The following KANSL1L variants were observed in gnomAD, a reference collection of about 807,000 sequenced individuals.
KANSL1L encodes KAT8 regulatory NSL complex subunit 1-like protein.
In KANSL1L, 25 loss-of-function variants were observed where a neutral mutation model predicts 108.6. That is an observed-to-expected ratio of 0.23 (90% CI 0.17 to 0.32). The LOEUF (loss-of-function observed/expected upper bound fraction) is 0.32, where lower values mean the gene tolerates loss of function less well. Among genes scored for constraint, KANSL1L ranks in the 10% least tolerant of loss-of-function variants. KANSL1L has a pLI of 1.00. For missense variants in KANSL1L, 1,137 were observed against 1,125.7 expected (o/e 1.01, Z -0.14); for synonymous variants, 405 against 395.1 (o/e 1.03, Z -0.30).
intron 1 of KANSL1L, among the ~76,000 whole-genome samples, chr2:210,167,685 T>G (rs1331851905): frequency 6.6e-6 from 1 of 150,446 alleles, no homozygotes; most frequent in East Asian, 1.9e-4. Flanking sequence ...GCCTCAATAT[T>G]ATATAAAATA....
intron 5 of KANSL1L, among the ~76,000 whole-genome samples, chr2:210,084,353 T>A (rs139073259): frequency 0.017 from 2,505 of 151,714 alleles, 66 homozygotes; most frequent in African/African-American, 0.057. Flanking sequence ...ACCCAGGAAA[T>A]GGAGGTTGCA....
intron 5 of KANSL1L, among the ~76,000 whole-genome samples, chr2:210,087,690 G>A (rs2094650626): frequency 6.6e-6 from 1 of 152,118 alleles, no homozygotes; most frequent in Non-Finnish European, 1.5e-5. Flanking sequence ...TTACTCTCCT[G>A]AAGCTTATGT....
At position 210,075,658 on chromosome 2, in the gene KANSL1L, G is replaced by A; in HGVS notation, c.1649C>T (p.Ser550Phe). ...KKRKDRTRLKSSSLTFMSTSA... is the reference protein window; with the variant it reads ...KKRKDRTRLKFSSLTFMSTSA... ...TGTACTCATGAAAGTCAAGGATGAAGATTTCAGTCTTGTCCTGTCTTTTCT... is the reference window on the plus strand; with the variant it reads ...TGTACTCATGAAAGTCAAGGATGAAAATTTCAGTCTTGTCCTGTCTTTTCT... Residue 550 changes from serine (S) to phenylalanine (F), a missense_variant, in exon 6 of 15, where the codon TCT becomes TTT. Physicochemically the swap from Ser to Phe is radical, Grantham distance 155. Coordinates refer to ENST00000281772, the MANE Select transcript of KANSL1L (RefSeq NM_152519.4). 5.0e-6 allele frequency: 8 copies of A among 1,613,654 alleles called. No individual in the cohort carries two copies. The highest frequency in any genetic ancestry group is 5.9e-6 in the Non-Finnish European group (7 of 1,179,606).
chr2:210,069,518 T>A (rs1013022312), intron 6 of KANSL1L, among the ~76,000 whole-genome samples: 1 of 152,072 alleles, frequency 6.6e-6, no homozygotes, highest in African/African-American at 2.4e-5. Context: ...AAACTCTGTA[T>A]AAGTTTCCTA....
At chr2:210,080,665 C>T (rs1219800450) in intron 5 of KANSL1L, among the ~76,000 whole-genome samples, 1 of 152,224 alleles carries the variant, frequency 6.6e-6, no homozygotes, top group Non-Finnish European at 1.5e-5. Flanking sequence ...ATACCATACA[C>T]TAGACACCTT....
At chr2:210,043,007 G>A (rs1316290889) in intron 7 of KANSL1L, among the ~76,000 whole-genome samples, 2 of 152,132 alleles carry the variant, frequency 1.3e-5, no homozygotes, top group African/African-American at 2.4e-5. Context: ...AAGAAGAACC[G>A]GAGATAACCA....
At chr2:210,134,804 G>A (rs1471803583) in intron 2 of KANSL1L, among the ~76,000 whole-genome samples, 3 of 152,192 alleles carry the variant, frequency 2.0e-5, no homozygotes, top group Non-Finnish European at 4.4e-5. Context: ...GAGGGAACTC[G>A]ACTAGGAAAT....
At chr2:210,070,935 G>A (rs1173617162) in intron 6 of KANSL1L, among the ~76,000 whole-genome samples, 3 of 152,124 alleles carry the variant, frequency 2.0e-5, no homozygotes, top group Non-Finnish European at 4.4e-5. Flanking sequence ...TGAGGCGGGT[G>A]GATCACGAGG....
chr2:210,043,946 C>A lies in KANSL1L; in HGVS notation c.1914G>T (p.Leu638Phe). 6.3e-7 allele frequency: 1 copy of A among 1,583,754 alleles called. No individual in the cohort carries two copies. The highest frequency in any genetic ancestry group is 2.3e-5 in the East Asian group (1 of 43,232). Residue 638 changes from leucine to phenylalanine, a missense_variant, in exon 7 of 15, where the codon TTG becomes TTT. By Grantham distance (22) the Leu-to-Phe change is conservative. Coordinates refer to ENST00000281772, the MANE Select transcript of KANSL1L (RefSeq NM_152519.4). ...TGTTACAAGGAGGCTTACCTGATGG[C>A]AATGATAGAACAGAATGGAAAGAGG... Reference protein sequence around the residue: ...LDSSFHSVLSLPSDVPLHFHF... With the variant: ...LDSSFHSVLSFPSDVPLHFHF...
intron 10 of KANSL1L, chr2:210,029,224 C>A: frequency 3.0e-6 from 1 of 338,114 alleles, no homozygotes; most frequent in Non-Finnish European, 5.3e-6. Flanking sequence ...TTTTTAAGAC[C>A]ACAAAAAATA....
intron 5 of KANSL1L, among the ~76,000 whole-genome samples, chr2:210,094,776 T>G (rs2094721497): frequency 6.6e-6 from 1 of 151,922 alleles, no homozygotes; most frequent in East Asian, 1.9e-4. Context: ...ACTAGTTTTA[T>G]AAGCATTAAT....
chr2:210,030,178 T>A (rs2093995279), intron 9 of KANSL1L, among the ~76,000 whole-genome samples: 1 of 152,034 alleles, frequency 6.6e-6, no homozygotes, highest in Non-Finnish European at 1.5e-5. Context: ...CCTCATCTCA[T>A]CCCTTTATTC....
At chr2:210,115,668 G>A (rs1019986079) in intron 3 of KANSL1L, among the ~76,000 whole-genome samples, 2 of 152,144 alleles carry the variant, frequency 1.3e-5, no homozygotes. Flanking sequence ...AATTTACACT[G>A]CATGTTTCAT....
chr2:210,023,221 T>C, intron 14 of KANSL1L, 42 bp from the exon 15 acceptor site: 2 of 1,427,998 alleles, frequency 1.4e-6, no homozygotes, highest in South Asian at 2.3e-5. Flanking sequence ...AACTAACTTG[T>C]TTTGTTTAAA....
intron 5 of KANSL1L, 130 bp downstream of exon 5, chr2:210,097,956 T>C (rs2094753908): frequency 3.6e-6 from 2 of 556,172 alleles, no homozygotes; most frequent in Non-Finnish European, 6.1e-6. Context: ...CATGGTATAT[T>C]GATTGTACTC....
At chr2:210,070,176 C>G (rs2094496388) in intron 6 of KANSL1L, among the ~76,000 whole-genome samples, 1 of 144,652 alleles carries the variant, frequency 6.9e-6, no homozygotes, top group Admixed American at 7.1e-5. Context: ...AAATCTCTGC[C>G]TTCATCTTCA....
intron 1 of KANSL1L, among the ~76,000 whole-genome samples, chr2:210,155,923 C>G (rs1251791388): frequency 6.6e-6 from 1 of 152,024 alleles, no homozygotes; most frequent in Non-Finnish European, 1.5e-5. Context: ...CTTAAAAACA[C>G]AAAACCAAAA....
intron 6 of KANSL1L, among the ~76,000 whole-genome samples, chr2:210,065,239 C>T (rs554749859): frequency 5.2e-5 from 7 of 134,134 alleles, no homozygotes; most frequent in East Asian, 2.4e-4. Context: ...TGCAGTGAGC[C>T]GAGATCGCAC....
chr2:210,147,619 CT>C (rs2095274690), intron 2 of KANSL1L, among the ~76,000 whole-genome samples: 1 of 152,178 alleles, frequency 6.6e-6, no homozygotes, highest in Non-Finnish European at 1.5e-5. Flanking sequence ...ATTCACTCAA[CT>C]TTTTGTTTTC....
Sources: allele counts gnomAD v4.1 joint callset (sites outside exome capture counted in the v4.1 genomes callset), GRCh38; gene constraint gnomAD v4.1.1; transcripts MANE v1.5; gene names NCBI Gene and HGNC (gene_info 2026-07-23, HGNC 2026-07-21).